EPHA2: variants seen among roughly 807,000 people sequenced by gnomAD.
The protein encoded by EPHA2 is ephrin type-A receptor 2.
EPHA2 carries 54 observed loss-of-function variants against 104.9 expected under a neutral mutation model. The ratio of observed to expected loss-of-function variants is 0.51; its 90% CI spans 0.41 to 0.65. The LOEUF (loss-of-function observed/expected upper bound fraction) is 0.65. Ranked by LOEUF, EPHA2 falls within the 30% of genes least tolerant of loss-of-function variation. The probability of loss-of-function intolerance (pLI) is 0.00; values close to 1 mark genes in which losing one functional copy is unlikely to be tolerated. For missense variants in EPHA2, 1,117 were observed against 1,369.5 expected (o/e 0.82, Z 2.91); for synonymous variants, 560 against 559.1 (o/e 1.00, Z -0.02).
At chr1:16,133,789 G>A (rs2124208405) in intron 9 of EPHA2, 71 bp downstream of exon 9, 1 of 1,496,982 alleles carries the variant, frequency 6.7e-7, no homozygotes, top group Non-Finnish European at 8.9e-7. Context: ...CACCCTGGCT[G>A]CCCCCACCTC....
At chr1:16,126,741 G>A (rs1178426017) in intron 16 of EPHA2, among the ~76,000 whole-genome samples, 2 of 152,160 alleles carry the variant, frequency 1.3e-5, no homozygotes, top group South Asian at 2.1e-4. Context: ...TTGCAGTTCC[G>A]CAGGTGGGGC....
chr1:16,149,669 G>T (rs1557516224), intron 2 of EPHA2, among the ~76,000 whole-genome samples: 1 of 152,154 alleles, frequency 6.6e-6, no homozygotes, highest in Non-Finnish European at 1.5e-5. Context: ...GCTACAGTTG[G>T]GCCAGGTGCC....
chr1:16,131,669 A>G lies in EPHA2; in HGVS notation c.2475+52T>C, dbSNP rs1236881032. The G allele has an allele frequency of 6.2e-6, 10 of 1,612,174 alleles. No homozygotes were observed. The highest frequency in any genetic ancestry group is 7.6e-6 in the Non-Finnish European group (9 of 1,179,188). On this transcript the variant is annotated intron_variant, in intron 14 of 16. Coordinates refer to ENST00000358432, the MANE Select transcript of EPHA2 (RefSeq NM_004431.5). This position sits in a 1 kb window ranked among gnomAD's most constrained non-coding sequence, Gnocchi z 5.2. ...CCAGCCCCTGCAGTTTGAGATGAGTAAAGGGCTTGAGTTCAGGTCCGGACA... is the reference window on the plus strand; with the variant it reads ...CCAGCCCCTGCAGTTTGAGATGAGTGAAGGGCTTGAGTTCAGGTCCGGACA...
At chr1:16,147,701 G>A (rs2024960547) in intron 3 of EPHA2, among the ~76,000 whole-genome samples, 1 of 150,750 alleles carries the variant, frequency 6.6e-6, no homozygotes, top group Admixed American at 6.7e-5. Context: ...CTACGAGATA[G>A]ACGCTATGAT....
intron 3 of EPHA2, among the ~76,000 whole-genome samples, chr1:16,144,720 C>T (rs943676832): frequency 6.6e-6 from 1 of 152,190 alleles, no homozygotes; most frequent in African/African-American, 2.4e-5. Context: ...GGGGTGGGAC[C>T]CCAAGGGGAC....
intron 16 of EPHA2, 26 bp downstream of exon 16, chr1:16,129,408 G>A: frequency 6.2e-7 from 1 of 1,609,688 alleles, no homozygotes; most frequent in South Asian, 1.1e-5. Context: ...GGGAGGCGAG[G>A]GGGGACGGAA....
intron 5 of EPHA2, among the ~76,000 whole-genome samples, chr1:16,136,666 GAAGAAAAGAAGAAGAAA>G (rs1274348235): frequency 2.1e-5 from 2 of 95,330 alleles, no homozygotes; most frequent in African/African-American, 1.3e-4. Context: ...AAGAAGAAAA[GAAGAAAAGAAGAAGAAA>G]GAAGAAGAGG....
intron 5 of EPHA2, among the ~76,000 whole-genome samples, chr1:16,137,297 T>TAAA (rs113394862): frequency 0.14 from 19,191 of 140,184 alleles, 2,539 homozygotes; most frequent in African/African-American, 0.34. Context: ...GGTGATGAGC[T>TAAA]AAAAAAAAAA....
chr1:16,135,624 C>A lies in EPHA2; in HGVS notation c.1428+31G>T. On this transcript the variant is annotated intron_variant, in intron 6 of 16. Transcript: ENST00000358432. The surrounding 1 kb of genome is among the most constrained non-coding windows in gnomAD (Gnocchi z 4.3). ...AGCCTGTCCCCTGCTGTCGGCCCAG[C>A]TAGAGCCAGCCCCGCCCCTCTGGGA... 1 of 1,601,642 alleles carries A rather than the reference C, an allele frequency of 6.2e-7. No individual in the cohort carries two copies. Among genetic ancestry groups the A allele is most frequent in the East Asian group, 2.2e-5 (1 of 44,806 alleles).
chr1:16,137,656 A>G (rs941138305), intron 5 of EPHA2, among the ~76,000 whole-genome samples, 197 bp downstream of exon 5: 1 of 152,368 alleles, frequency 6.6e-6, no homozygotes, highest in East Asian at 1.9e-4. Flanking sequence ...TAATTTACGA[A>G]TTTGTGTTGG....
Position 16,148,374 on chromosome 1 carries a change from T to G in EPHA2, c.823+4A>C. ...CTTCCCTGCAACCCAGAACCGTCAC[T>G]CACCCTGGCAGGCATCCTCCACCTT... On this transcript the variant is annotated splice_donor_region_variant and intron_variant, in intron 3 of 16. Coordinates refer to ENST00000358432, the MANE Select transcript of EPHA2 (RefSeq NM_004431.5). The surrounding 1 kb of genome is among the most constrained non-coding windows in gnomAD (Gnocchi z 4.9). 6.2e-7 allele frequency: 1 copy of G among 1,613,494 alleles called. No individual in the cohort carries two copies. Among genetic ancestry groups the G allele is most frequent in the South Asian group, 1.1e-5 (1 of 91,074 alleles).
Position 16,130,419 on chromosome 1 carries a change from C to A in EPHA2, c.2476G>T (p.Val826Leu). ...AAGCCATCATTGATGGCTTTCATCACCTGGCGGGGCACGAAGGTCAGGGGC... is the reference window on the plus strand; with the variant it reads ...AAGCCATCATTGATGGCTTTCATCAACTGGCGGGGCACGAAGGTCAGGGGC... ...RPYWELSNHEVMKAINDGFRL... is the reference protein window; with the variant it reads ...RPYWELSNHELMKAINDGFRL... Residue 826 changes from valine (V) to leucine (L), a missense_variant and splice_region_variant, in exon 15 of 17, where the codon GTG (valine) becomes TTG (leucine). By Grantham distance (32) the Val-to-Leu change is conservative. Around this residue, in one of 3 missense-constraint regions of EPHA2, gnomAD observed 340 missense variants for 480.5 expected, o/e 0.71. Transcript: ENST00000358432. The surrounding 1 kb of genome is among the most constrained non-coding windows in gnomAD (Gnocchi z 4.5). 6.5e-7 allele frequency: 1 copy of A among 1,544,736 alleles called. No homozygotes were observed. The highest frequency in any genetic ancestry group is 8.8e-7 in the Non-Finnish European group (1 of 1,142,348).
intron 3 of EPHA2, among the ~76,000 whole-genome samples, chr1:16,146,628 G>T (rs1264638243): frequency 1.3e-5 from 2 of 152,378 alleles, no homozygotes; most frequent in East Asian, 3.9e-4. Flanking sequence ...CAGCAGAGGG[G>T]AGCTGGGAAG....
At chr1:16,136,713 A>AGAAAAGAAGAAG (rs752397568) in intron 5 of EPHA2, among the ~76,000 whole-genome samples, 3 of 102,734 alleles carry the variant, frequency 2.9e-5, no homozygotes, top group Non-Finnish European at 5.3e-5. Flanking sequence ...AAGAAGAAGA[A>AGAAAAGAAGAAG]AAGAAGAAGA....
In EPHA2 at chr1:16,148,693, C is replaced by T. The variant is rs750091839; in HGVS notation, c.508G>A (p.Val170Met). The part of the protein sequence containing the change: ...HVKLNVEERS[V>M]GPLTRKGFYL... The stretch of plus-strand genomic sequence containing the variant: ...AAGCCTTTGCGGGTGAGCGGCCCCA[C>T]GGAGCGCTCCTCCACGTTCAGCTTC... Residue 170 changes from valine to methionine, a missense_variant, in exon 3 of 17, where the codon GTG becomes ATG. By Grantham distance (21) the Val-to-Met change is conservative (BLOSUM62 1). Around this residue, in one of 3 missense-constraint regions of EPHA2, gnomAD observed 664 missense variants for 784.8 expected, o/e 0.85. Coordinates refer to ENST00000358432, the MANE Select transcript of EPHA2 (RefSeq NM_004431.5). The surrounding 1 kb of genome is among the most constrained non-coding windows in gnomAD (Gnocchi z 4.9). 16 of 1,612,072 alleles carry T rather than the reference C, an allele frequency of 9.9e-6. No individual in the cohort carries two copies. The highest frequency in any genetic ancestry group is 8.8e-5 in the South Asian group (8 of 91,092).
intron 2 of EPHA2, among the ~76,000 whole-genome samples, chr1:16,149,553 C>T (rs765630171): frequency 3.6e-4 from 55 of 152,198 alleles, no homozygotes; most frequent in Non-Finnish European, 2.4e-4. Context: ...TCAAAAACAA[C>T]GGATGATGCT....
intron 2 of EPHA2, among the ~76,000 whole-genome samples, chr1:16,149,462 G>T (rs2024997329): frequency 6.6e-6 from 1 of 152,206 alleles, no homozygotes; most frequent in Admixed American, 6.5e-5. Context: ...AGGCATACGG[G>T]CAGCCAGTAT....
intron 3 of EPHA2, among the ~76,000 whole-genome samples, chr1:16,138,718 GCCATAC>G (rs1421979260): frequency 6.6e-6 from 1 of 152,168 alleles, no homozygotes; most frequent in Admixed American, 6.5e-5. Flanking sequence ...GGCATTCAAG[GCCATAC>G]CTCGCCTTTC....
intron 3 of EPHA2, among the ~76,000 whole-genome samples, chr1:16,142,678 A>T (rs1423651068): frequency 2.3e-5 from 1 of 42,584 alleles, no homozygotes; most frequent in African/African-American, 9.0e-5. Flanking sequence ...TGGATGGATG[A>T]GGGATGGATG....
Sources: allele counts gnomAD v4.1 joint callset (sites outside exome capture counted in the v4.1 genomes callset), GRCh38; gene constraint gnomAD v4.1.1; regional missense constraint gnomAD v4.1.1; non-coding constraint Gnocchi (gnomAD v3.1); transcripts MANE v1.5; gene names NCBI Gene and HGNC (gene_info 2026-07-23, HGNC 2026-07-21).